Variants in DTWD2 observed in about 807,000 individuals in gnomAD.
DTWD2 encodes the protein tRNA-uridine aminocarboxypropyltransferase 2.
DTWD2 carries 39 observed loss-of-function variants against 31.8 expected under a neutral mutation model. The observed-to-expected ratio is 1.22, with a 90% CI of 0.95 to 1.60. The LOEUF is 1.60. Among genes scored for constraint, DTWD2 ranks in the 40% most tolerant of loss-of-function variants. DTWD2 has a pLI of 0.00. For synonymous variants in DTWD2, 180 were observed against 142.8 expected (o/e 1.26, Z -1.86); for missense variants, 515 against 381.5 (o/e 1.35, Z -2.92).
chr5:118,841,347 G>T (rs1751709611), intron 5 of DTWD2, among the ~76,000 whole-genome samples: 1 of 152,036 alleles, frequency 6.6e-6, no homozygotes, highest in Admixed American at 6.6e-5. Flanking sequence ...ATAAAGTCTG[G>T]CATTAGTTTT....
chr5:118,976,139 C>T (rs1459208712), intron 1 of DTWD2, among the ~76,000 whole-genome samples: 1 of 152,090 alleles, frequency 6.6e-6, no homozygotes, highest in Non-Finnish European at 1.5e-5. Context: ...TCTCTGAAAC[C>T]AATGAGAACA....
intron 4 of DTWD2, among the ~76,000 whole-genome samples, chr5:118,891,030 G>A (rs573082501): frequency 6.6e-6 from 1 of 152,114 alleles, no homozygotes; most frequent in Non-Finnish European, 1.5e-5. Flanking sequence ...TGAAAAATAC[G>A]TACATATTTA....
chr5:118,840,821 T>C lies in DTWD2; in HGVS notation c.*96A>G. On this transcript the variant is annotated 3_prime_UTR_variant, in exon 6 of 6. Transcript: ENST00000510708. ...AGATTAGTATGCAATTCTCCTTCTT[T>C]AGCAAGTCAAAAACCTACAGACCTT... is the stretch of plus-strand genomic sequence containing the variant. 1 of 1,287,218 alleles carries C rather than the reference T, an allele frequency of 7.8e-7. No homozygotes were observed. The highest frequency in any genetic ancestry group is 2.5e-5 in the East Asian group (1 of 39,232). The allele number at this position is 1,287,218 out of a possible 1,614,324, so 79.7% of individuals were successfully genotyped here. A position where few individuals can be genotyped will look rare whatever the true frequency, so the allele number is the denominator to read the frequency against.
At chr5:118,867,332 C>T (rs565071192) in intron 4 of DTWD2, among the ~76,000 whole-genome samples, 1 of 152,022 alleles carries the variant, frequency 6.6e-6, no homozygotes, top group Non-Finnish European at 1.5e-5. Flanking sequence ...GAATTACTTA[C>T]TCCAAAAGAC....
At chr5:118,960,115 G>C (rs1561471774) in intron 1 of DTWD2, among the ~76,000 whole-genome samples, 1 of 152,066 alleles carries the variant, frequency 6.6e-6, no homozygotes, top group East Asian at 1.9e-4. Context: ...AAAAGTTTCT[G>C]CAAAGCAAAA....
At chr5:118,855,811 AT>A (rs1457341699) in intron 4 of DTWD2, among the ~76,000 whole-genome samples, 2 of 152,236 alleles carry the variant, frequency 1.3e-5, no homozygotes. Context: ...AATGCATAAT[AT>A]AAAAAGTGAA....
intron 3 of DTWD2, among the ~76,000 whole-genome samples, 163 bp downstream of exon 3, chr5:118,939,033 T>C (rs766921936): frequency 2.6e-5 from 4 of 152,180 alleles, no homozygotes; most frequent in Non-Finnish European, 5.9e-5. Flanking sequence ...TTTTGTTTTG[T>C]CTTGTATTAT....
intron 4 of DTWD2, among the ~76,000 whole-genome samples, chr5:118,918,828 G>GAAAAA (rs77545480): frequency 8.0e-6 from 1 of 124,720 alleles, no homozygotes. Flanking sequence ...TCTCTACCAG[G>GAAAAA]AAAAAAAAAA....
At chr5:118,865,128 C>T (rs1752355113) in intron 4 of DTWD2, among the ~76,000 whole-genome samples, 1 of 152,096 alleles carries the variant, frequency 6.6e-6, no homozygotes, top group African/African-American at 2.4e-5. Context: ...CAAGTGAGTA[C>T]TTACAATTTC....
At position 118,988,535 on chromosome 5, in the gene DTWD2, G is replaced by T; in HGVS notation, c.-24C>A. 3 of 1,498,016 alleles carry T rather than the reference G, an allele frequency of 2.0e-6. No homozygotes were observed. Among genetic ancestry groups the T allele is most frequent in the Non-Finnish European group, 2.7e-6 (3 of 1,126,580 alleles). 92.8% of individuals were successfully genotyped at this position (1,498,016 alleles called of 1,614,324 possible). On this transcript the variant is annotated 5_prime_UTR_variant, in exon 1 of 6. Coordinates refer to ENST00000510708, the MANE Select transcript of DTWD2 (RefSeq NM_173666.4). ...ATGGCGGACACTCCGGTCAGGCCGT[G>T]GCATTGAAGCCCGGCTGCCGCCGGG...
chr5:118,964,403 C>T (rs1754779356), intron 1 of DTWD2, among the ~76,000 whole-genome samples: 1 of 151,944 alleles, frequency 6.6e-6, no homozygotes, highest in South Asian at 2.1e-4. Context: ...CCCTCTCCCT[C>T]TCCTTCTCCC....
chr5:118,889,185 C>T (rs1752928172), intron 4 of DTWD2, among the ~76,000 whole-genome samples: 1 of 152,176 alleles, frequency 6.6e-6, no homozygotes, highest in South Asian at 2.1e-4. Context: ...GAAAATTCCT[C>T]TTAGGGCCCT....
At chr5:118,985,200 T>G (rs1363041810) in intron 1 of DTWD2, among the ~76,000 whole-genome samples, 1 of 152,056 alleles carries the variant, frequency 6.6e-6, no homozygotes, top group East Asian at 1.9e-4. Context: ...ACATACTGTT[T>G]CCTCAACCAG....
At chr5:118,903,574 C>T (rs1165014615) in intron 4 of DTWD2, among the ~76,000 whole-genome samples, 1 of 151,872 alleles carries the variant, frequency 6.6e-6, no homozygotes, top group African/African-American at 2.4e-5. Flanking sequence ...TCTCCAGAAG[C>T]CAAGCAGAAT....
intron 1 of DTWD2, among the ~76,000 whole-genome samples, chr5:118,972,111 T>C (rs559763083): frequency 9.2e-5 from 14 of 151,604 alleles, no homozygotes; most frequent in Non-Finnish European, 1.8e-4. Flanking sequence ...ATACAAGAAA[T>C]AACCAAGATC....
intron 3 of DTWD2, among the ~76,000 whole-genome samples, chr5:118,932,279 C>T (rs113045429): frequency 6.7e-6 from 1 of 149,158 alleles, no homozygotes; most frequent in Admixed American, 6.7e-5. Flanking sequence ...GAGCTCAAGA[C>T]CAGCCTGAGC....
chr5:118,951,642 G>T (rs1191533847), intron 1 of DTWD2, among the ~76,000 whole-genome samples: 1 of 152,164 alleles, frequency 6.6e-6, no homozygotes, highest in Non-Finnish European at 1.5e-5. Context: ...TTTAGGTCAG[G>T]TGTGAGTTGA....
intron 1 of DTWD2, among the ~76,000 whole-genome samples, chr5:118,969,879 C>T (rs1164246940): frequency 2.0e-5 from 3 of 152,096 alleles, no homozygotes; most frequent in Admixed American, 1.3e-4. Context: ...TAATAAAAAG[C>T]TTCACTGAGC....
chr5:118,954,189 C>T (rs1256206370), intron 1 of DTWD2, among the ~76,000 whole-genome samples: 1 of 152,144 alleles, frequency 6.6e-6, no homozygotes, highest in African/African-American at 2.4e-5. Flanking sequence ...GAAGACTGCT[C>T]ATACCCAGGT....
Sources: allele counts gnomAD v4.1 joint callset (sites outside exome capture counted in the v4.1 genomes callset), GRCh38; gene constraint gnomAD v4.1.1; transcripts MANE v1.5; gene names NCBI Gene and HGNC (gene_info 2026-07-23, HGNC 2026-07-21).